PRKD1: variants seen among roughly 807,000 people sequenced by gnomAD.
PRKD1 encodes serine/threonine-protein kinase D1.
PRKD1 carries 63 observed loss-of-function variants against 95.9 expected under a neutral mutation model. The observed-to-expected ratio is 0.66, with a 90% CI of 0.54 to 0.81. The LOEUF (loss-of-function observed/expected upper bound fraction) is 0.81, where lower values mean the gene tolerates loss of function less well. PRKD1 is among the 30% of genes least tolerant of loss of function. The probability of loss-of-function intolerance (pLI) is 0.00; values close to 1 mark genes in which losing one functional copy is unlikely to be tolerated. For synonymous variants in PRKD1, 425 were observed against 423.1 expected, an observed-to-expected ratio of 1.00 and a Z score of -0.05; for missense variants, 1,048 against 1,165.3, an observed-to-expected ratio of 0.90 and a Z score of 1.47.
intron 1 of PRKD1, among the ~76,000 whole-genome samples, chr14:29,788,570 G>T (rs533050248): frequency 1.3e-5 from 2 of 152,192 alleles, no homozygotes; most frequent in East Asian, 3.9e-4. Context: ...TTGGTTTATG[G>T]TGCCCAATAT....
At chr14:29,805,012 G>A (rs1244618085) in intron 1 of PRKD1, among the ~76,000 whole-genome samples, 1 of 152,198 alleles carries the variant, frequency 6.6e-6, no homozygotes. Context: ...TTTCCCTAGA[G>A]CAGAATTATG....
At chr14:29,634,799 C>G (rs914957067) in intron 7 of PRKD1, among the ~76,000 whole-genome samples, 1 of 151,832 alleles carries the variant, frequency 6.6e-6, no homozygotes, top group Non-Finnish European at 1.5e-5. Flanking sequence ...TTTGGGAGGC[C>G]GAGGCGGGTG....
At chr14:29,727,148 A>T (rs924380593) in intron 1 of PRKD1, among the ~76,000 whole-genome samples, 4 of 152,136 alleles carry the variant, frequency 2.6e-5, no homozygotes, top group African/African-American at 9.7e-5. Context: ...TCTGATGGCC[A>T]GTGATGGTGA....
chr14:29,739,444 A>G lies in PRKD1; in HGVS notation c.265-13770T>C, dbSNP rs576940743. Among the ~76,000 whole-genome samples the G allele has an allele frequency of 1.8e-4, 27 of 152,272 alleles. 1 individual carries two copies. The South Asian group carries it at 5.2e-3, about 29-fold the overall frequency. Reference sequence around the variant, plus strand: ...AAAACGGTTTTCCTTCATAATTTTAAATTTGTACCTTAACTTTATCCCATC... The same window carrying G: ...AAAACGGTTTTCCTTCATAATTTTAGATTTGTACCTTAACTTTATCCCATC... On this transcript the variant is annotated intron_variant, in intron 1 of 17. Transcript: ENST00000331968.
rs1890676683 is a variant in PRKD1 at position 29,816,022 on chromosome 14, A to T, written c.265-90348T>A. 1.3e-5 allele frequency among the ~76,000 whole-genome samples: 2 copies of T among 152,164 alleles called. 1 individual carries two copies. Among genetic ancestry groups the T allele is most frequent in the South Asian group, 4.1e-4 (2 of 4,828 alleles). On this transcript the variant is annotated intron_variant, in intron 1 of 17. Coordinates refer to ENST00000331968, the MANE Select transcript of PRKD1 (RefSeq NM_002742.3). ...ATCACAAAGTCAGGAGATCGAGACC[A>T]TCCTGGCCAACATGGTGAAACCCCA...
In PRKD1 at chr14:29,715,014, C is replaced by T. The variant is rs1266350277; in HGVS notation, c.403+10522G>A. 7.2e-5 allele frequency among the ~76,000 whole-genome samples: 11 copies of T among 152,006 alleles called. No individual in the cohort carries two copies. In the East Asian group the frequency reaches 9.7e-4, roughly 13 times the overall value. ...TAGGAGAAATACCTAATGTAGATGA[C>T]GGGTTGAGGGGTGCGGCAATCCACC... On this transcript the variant is annotated intron_variant, in intron 2 of 17. Coordinates refer to ENST00000331968, the MANE Select transcript of PRKD1 (RefSeq NM_002742.3).
In PRKD1 at chr14:29,927,339, G is replaced by T; in HGVS notation, c.174C>A (p.Ser58Arg). 6.4e-7 allele frequency: 1 copy of T among 1,566,664 alleles called. No homozygotes were observed. The highest frequency in any genetic ancestry group is 1.2e-5 in the South Asian group (1 of 85,644). Residue 58 changes from serine (S) to arginine (R), a missense_variant, in exon 1 of 18, where the codon AGC becomes AGA. By Grantham distance (110) the Ser-to-Arg change is moderately radical (BLOSUM62 -1). Coordinates refer to ENST00000331968, the MANE Select transcript of PRKD1 (RefSeq NM_002742.3). ...CCTGCAGCAGCAGCACCGGCTCACG[G>T]CTCAGGCCGATCTGCAGATGGAACG... ...GISFHLQIGL[S>R]REPVLLLQDS...
chr14:29,639,975 G>A lies in PRKD1; in HGVS notation c.697-1071C>T, dbSNP rs78988648. Among the ~76,000 whole-genome samples the A allele has an allele frequency of 5.4e-3, 825 of 152,252 alleles. 7 individuals carry two copies. Among genetic ancestry groups the A allele is most frequent in the African/African-American group, 0.018 (756 of 41,560 alleles). On this transcript the variant is annotated intron_variant, in intron 4 of 17. Transcript: ENST00000331968. Reference sequence around the variant, plus strand: ...ACCTTTGATATCCTGGGATATATTTGAGAATCGTCAGAATAAATGTATTTT... The same window carrying A: ...ACCTTTGATATCCTGGGATATATTTAAGAATCGTCAGAATAAATGTATTTT...
intron 7 of PRKD1, among the ~76,000 whole-genome samples, chr14:29,635,008 T>C (rs1324498066): frequency 1.3e-5 from 2 of 151,460 alleles, no homozygotes; most frequent in Non-Finnish European, 1.5e-5. Flanking sequence ...CACTCCAGCC[T>C]GGGTGACAGA....
Position 29,747,830 on chromosome 14 carries a change from G to C in PRKD1, c.265-22156C>G, listed in dbSNP as rs551243883. On this transcript the variant is annotated intron_variant, in intron 1 of 17. Coordinates refer to ENST00000331968, the MANE Select transcript of PRKD1 (RefSeq NM_002742.3). ...ACAATCTTGGCTTACTGCAACCTCTGTCTCCTGAACTCAAGCGATTCTCAT... is the reference window on the plus strand; with the variant it reads ...ACAATCTTGGCTTACTGCAACCTCTCTCTCCTGAACTCAAGCGATTCTCAT... Among the ~76,000 whole-genome samples the C allele has an allele frequency of 1.8e-3, 272 of 152,182 alleles. 1 individual carries two copies. Among genetic ancestry groups the C allele is most frequent in the Admixed American group, 3.9e-3 (59 of 15,292 alleles).
rs45622138 is a variant in PRKD1 at position 29,804,868 on chromosome 14, A to C, written c.265-79194T>G. On this transcript the variant is annotated intron_variant, in intron 1 of 17. Coordinates refer to ENST00000331968, the MANE Select transcript of PRKD1 (RefSeq NM_002742.3). ...AAGCCGTACTTTTAATCATGACATT[A>C]ATCGATAACAATTACACCCAAGAGA... Among the ~76,000 whole-genome samples, 12 of 152,310 alleles carry C rather than the reference A, an allele frequency of 7.9e-5. No homozygotes were observed. In the East Asian group the frequency reaches 2.3e-3, roughly 29 times the overall value.
At chr14:29,701,097 T>C (rs1884822065) in intron 2 of PRKD1, among the ~76,000 whole-genome samples, 1 of 152,208 alleles carries the variant, frequency 6.6e-6, no homozygotes, top group South Asian at 2.1e-4. Flanking sequence ...GCCCACAATG[T>C]CTACTTTAGT....
chr14:29,745,634 AATTATT>A (rs750157850), intron 1 of PRKD1, among the ~76,000 whole-genome samples: 2 of 151,236 alleles, frequency 1.3e-5, no homozygotes, highest in African/African-American at 2.4e-5. Context: ...ATGCCCAACT[AATTATT>A]ATTATTATTA....
intron 3 of PRKD1, among the ~76,000 whole-genome samples, chr14:29,664,960 T>C (rs1882400426): frequency 6.6e-6 from 1 of 152,204 alleles, no homozygotes; most frequent in Non-Finnish European, 1.5e-5. Context: ...TTCTGACTTA[T>C]TTACTAGGCA....
chr14:29,781,363 AT>A (rs747267661), intron 1 of PRKD1, among the ~76,000 whole-genome samples: 2 of 152,164 alleles, frequency 1.3e-5, no homozygotes, highest in Non-Finnish European at 2.9e-5. Context: ...AACGTCTCAA[AT>A]TATAAGACAG....
At chr14:29,598,322 T>C (rs892018391) in intron 15 of PRKD1, among the ~76,000 whole-genome samples, 1 of 133,864 alleles carries the variant, frequency 7.5e-6, no homozygotes, top group African/African-American at 2.8e-5. Flanking sequence ...TAAAATAAAA[T>C]AAAAATAAAT....
intron 2 of PRKD1, among the ~76,000 whole-genome samples, chr14:29,701,089 C>T (rs1884821773): frequency 6.6e-6 from 1 of 152,014 alleles, no homozygotes; most frequent in Non-Finnish European, 1.5e-5. Flanking sequence ...ATCTTGAGGC[C>T]CACAATGTCT....
At chr14:29,684,368 G>T (rs938199486) in intron 2 of PRKD1, among the ~76,000 whole-genome samples, 1 of 151,958 alleles carries the variant, frequency 6.6e-6, no homozygotes, top group Non-Finnish European at 1.5e-5. Flanking sequence ...TACAGCATTT[G>T]GTCTTTGAGA....
intron 2 of PRKD1, among the ~76,000 whole-genome samples, chr14:29,712,229 G>T (rs540264458): frequency 1.3e-5 from 2 of 152,134 alleles, no homozygotes; most frequent in South Asian, 4.2e-4. Context: ...TAGTATGTGG[G>T]AGAAAATTCT....
Sources: gnomAD v4.1 joint callset for allele counts (sites outside exome capture counted in the v4.1 genomes callset) on GRCh38, gnomAD v4.1.1 for gene constraint, MANE v1.5 for transcripts, NCBI Gene and HGNC (gene_info 2026-07-23, HGNC 2026-07-21) for gene names.